RANBP2: variants seen among roughly 807,000 people sequenced by gnomAD.
RANBP2 encodes the protein E3 SUMO-protein ligase RanBP2.
RANBP2 carries 57 observed loss-of-function variants against 303.6 expected under a neutral mutation model. The observed-to-expected ratio is 0.19, with a 90% CI of 0.15 to 0.23. The LOEUF (loss-of-function observed/expected upper bound fraction) is 0.23, where lower values mean the gene tolerates loss of function less well. RANBP2 is among the 10% of genes least tolerant of loss of function. The pLI is 1.00. For missense variants in RANBP2, 3,138 were observed against 3,780.8 expected, an observed-to-expected ratio of 0.83 and a Z score of 4.46; for synonymous variants, 1,167 against 1,301.5, an observed-to-expected ratio of 0.90 and a Z score of 2.23.
chr2:109,129,598 A>C, the RANBP2 span: 2 of 1,482,588 alleles, frequency 1.3e-6, no homozygotes, highest in Non-Finnish European at 1.8e-6. Context: ...TGCTGCGCAG[A>C]GCGAGGGCGA....
At chr2:108,793,929 A>G in the RANBP2 span, among the ~76,000 whole-genome samples, 6 of 152,192 alleles carry the variant, frequency 3.9e-5, no homozygotes, top group Admixed American at 6.5e-5. Context: ...AAACTTGTAC[A>G]CCAGAAGCCA....
the RANBP2 span, among the ~76,000 whole-genome samples, chr2:108,966,777 G>A: frequency 6.6e-6 from 1 of 152,348 alleles, no homozygotes; most frequent in East Asian, 1.9e-4. Flanking sequence ...AGCCCTGGAA[G>A]GGAGCACAGT....
chr2:109,606,138 C>T, the RANBP2 span, among the ~76,000 whole-genome samples: 8 of 152,276 alleles, frequency 5.3e-5, no homozygotes, highest in Admixed American at 2.0e-4. Flanking sequence ...TAACACAGGC[C>T]GGGTGCCGTG....
At chr2:109,253,427 C>T in the RANBP2 span, among the ~76,000 whole-genome samples, 24 of 152,278 alleles carry the variant, frequency 1.6e-4, no homozygotes, top group African/African-American at 3.4e-4. Context: ...GGTTTCAGGA[C>T]GTGGGCGCTG....
chr2:109,218,154 T>TA, the RANBP2 span, among the ~76,000 whole-genome samples: 8,166 of 149,012 alleles, frequency 0.055, 722 homozygotes, highest in African/African-American at 0.19. Context: ...TCTGTTCTAT[T>TA]AAAAAAAAAA....
the RANBP2 span, among the ~76,000 whole-genome samples, chr2:109,190,969 A>C: frequency 6.6e-6 from 1 of 151,384 alleles, no homozygotes; most frequent in Non-Finnish European, 1.5e-5. Flanking sequence ...AATTCATTTT[A>C]ATAGTTGCGT....
chr2:109,323,368 A>G, the RANBP2 span, among the ~76,000 whole-genome samples: 1 of 152,366 alleles, frequency 6.6e-6, no homozygotes, highest in Admixed American at 6.5e-5. Flanking sequence ...TATAGGATCC[A>G]CATATTCACC....
the RANBP2 span, among the ~76,000 whole-genome samples, chr2:109,681,311 T>C: frequency 3.3e-5 from 5 of 152,356 alleles, no homozygotes; most frequent in South Asian, 1.0e-3. Flanking sequence ...GATTTCCAGG[T>C]TGTGCTCAGC....
chr2:109,349,543 G>A, the RANBP2 span, among the ~76,000 whole-genome samples: 2 of 152,144 alleles, frequency 1.3e-5, no homozygotes, highest in African/African-American at 4.8e-5. Context: ...TGCCCCAGGT[G>A]GTCACTCATG....
the RANBP2 span, among the ~76,000 whole-genome samples, chr2:109,374,787 A>G: frequency 6.6e-6 from 1 of 152,214 alleles, no homozygotes; most frequent in Non-Finnish European, 1.5e-5. Flanking sequence ...CCCAGCGCAC[A>G]GCTGCCCTAT....
chr2:109,259,300 G>T, the RANBP2 span, among the ~76,000 whole-genome samples: 2 of 152,332 alleles, frequency 1.3e-5, no homozygotes, highest in South Asian at 4.1e-4. Context: ...CTCTGAGTGT[G>T]CAGAGGCCTG....
the RANBP2 span, among the ~76,000 whole-genome samples, chr2:108,974,247 A>G: frequency 4.5e-3 from 624 of 138,260 alleles, 3 homozygotes; most frequent in East Asian, 0.012. Context: ...GGAGAATGGC[A>G]TGAACCCGGG....
the RANBP2 span, among the ~76,000 whole-genome samples, chr2:109,063,897 G>T: frequency 1.3e-5 from 2 of 151,956 alleles, no homozygotes; most frequent in African/African-American, 4.8e-5. Flanking sequence ...TAGGGATTCG[G>T]CAATAATTGG....
chr2:108,959,944 C>G, the RANBP2 span, among the ~76,000 whole-genome samples: 1 of 152,238 alleles, frequency 6.6e-6, no homozygotes, highest in Non-Finnish European at 1.5e-5. Flanking sequence ...CCATGTTACA[C>G]AGTGCTATAC....
At chr2:109,401,722 G>A in the RANBP2 span, among the ~76,000 whole-genome samples, 52 of 152,274 alleles carry the variant, frequency 3.4e-4, no homozygotes, top group Non-Finnish European at 6.5e-4. Flanking sequence ...TACAGGATCC[G>A]GTTTCCTCTC....
the RANBP2 span, among the ~76,000 whole-genome samples, chr2:109,220,537 A>G: frequency 6.6e-6 from 1 of 152,236 alleles, no homozygotes. Flanking sequence ...TTAGTAAATA[A>G]TGAATATCTG....
chr2:109,313,796 A>G, the RANBP2 span, among the ~76,000 whole-genome samples: 2 of 152,238 alleles, frequency 1.3e-5, no homozygotes, highest in Non-Finnish European at 2.9e-5. Flanking sequence ...CTGTGGCAGC[A>G]TGAGTGAAAC....
the RANBP2 span, among the ~76,000 whole-genome samples, chr2:109,280,777 G>A: frequency 6.6e-6 from 1 of 152,210 alleles, no homozygotes; most frequent in Non-Finnish European, 1.5e-5. Context: ...GGGCGCTGCA[G>A]GGTTCATCTC....
the RANBP2 span, among the ~76,000 whole-genome samples, chr2:109,388,487 G>A: frequency 1.6e-4 from 24 of 152,148 alleles, no homozygotes; most frequent in Non-Finnish European, 3.2e-4. Flanking sequence ...AGGCCCCCCA[G>A]GTACTCTCAG....
Sources: allele counts gnomAD v4.1 joint callset (sites outside exome capture counted in the v4.1 genomes callset), GRCh38; gene constraint gnomAD v4.1.1; transcripts MANE v1.5; gene names NCBI Gene and HGNC (gene_info 2026-07-23, HGNC 2026-07-21).